GPR21: variants seen among roughly 807,000 people sequenced by gnomAD.
GPR21 encodes G protein-coupled receptor 21.
In GPR21, 9 loss-of-function variants were observed where a neutral mutation model predicts 21.5. The ratio of observed to expected loss-of-function variants is 0.42; its 90% CI spans 0.25 to 0.73. The LOEUF is 0.73. Among genes scored for constraint, GPR21 ranks in the 30% least tolerant of loss-of-function variants. The pLI is 0.27. For missense variants in GPR21, 416 were observed against 428.9 expected (o/e 0.97, Z 0.27); for synonymous variants, 169 against 159.3 (o/e 1.06, Z -0.46).
At chr9:123,049,098 G>A in the GPR21 span, among the ~76,000 whole-genome samples, 2 of 152,310 alleles carry the variant, frequency 1.3e-5, no homozygotes, top group South Asian at 4.1e-4. Flanking sequence ...CATCTTTTCT[G>A]AGGAAGTCAT....
Position 123,034,775 on chromosome 9 carries a change from C to T in GPR21, c.209C>T (p.Thr70Ile). 1 of 1,613,626 alleles carries T rather than the reference C, an allele frequency of 6.2e-7. No homozygotes were observed. The highest frequency in any genetic ancestry group is 1.1e-5 in the South Asian group (1 of 91,054). ...NHHTTSYFIQ[T>I]MAYADLFVGV... ...CACACTACAAGTTATTTTATCCAGA[C>T]TATGGCATATGCTGACCTTTTTGTT... Residue 70 changes from threonine (T) to isoleucine (I), a missense_variant, in exon 2 of 2, where the codon ACT (threonine) becomes ATT (isoleucine). Transcript: ENST00000616002.
At position 123,035,557 on chromosome 9, in the gene GPR21, A is replaced by G; in HGVS notation, c.991A>G (p.Thr331Ala). The change falls in exon 2 of 2, where the codon ACA (threonine) becomes GCA (alanine). Residue 331 changes from threonine (T) to alanine (A), a missense_variant. Coordinates refer to ENST00000616002, the MANE Select transcript of GPR21 (RefSeq NM_005294.3). ...GTGTACTTCTTGTGCAAGTCAGACT[A>G]CAGCCAACGACCCTTACACAGTTAG... ...AMCTSCASQTTANDPYTVRSK... is the reference protein window; with the variant it reads ...AMCTSCASQTAANDPYTVRSK... 1.2e-6 allele frequency: 2 copies of G among 1,613,176 alleles called. No individual in the cohort carries two copies.
chr9:123,036,349 C>T (rs902769279), downstream of GPR21, among the ~76,000 whole-genome samples: 12 of 152,126 alleles, frequency 7.9e-5, no homozygotes, highest in African/African-American at 2.2e-4. Context: ...TAGAAGTAAT[C>T]GTGTAGTACT....
At chr9:123,047,075 TAGG>T in the GPR21 span, among the ~76,000 whole-genome samples, 1 of 152,072 alleles carries the variant, frequency 6.6e-6, no homozygotes, top group Non-Finnish European at 1.5e-5. Context: ...GCTTAGAAAA[TAGG>T]AGTTTTCAGC....
chr9:123,045,866 A>G, the GPR21 span, among the ~76,000 whole-genome samples: 1 of 152,222 alleles, frequency 6.6e-6, no homozygotes, highest in Non-Finnish European at 1.5e-5. Flanking sequence ...AGGTACTATC[A>G]CATCTAAAGT....
chr9:123,035,736 T>G (rs1267923818), downstream of GPR21: 1 of 656,692 alleles, frequency 1.5e-6, no homozygotes, highest in Non-Finnish European at 2.5e-6. Context: ...CAGAATACTT[T>G]GACTCTAAAC....
chr9:123,037,568 AAAC>A (rs1364564590), downstream of GPR21, among the ~76,000 whole-genome samples: 2 of 152,230 alleles, frequency 1.3e-5, no homozygotes, highest in Non-Finnish European at 2.9e-5. Flanking sequence ...CAGATCTAAA[AAAC>A]CAAAATTTAC....
At chr9:123,043,900 CTTTTTTT>C in the GPR21 span, among the ~76,000 whole-genome samples, 1 of 129,430 alleles carries the variant, frequency 7.7e-6, no homozygotes, top group Non-Finnish European at 1.7e-5. Context: ...GTATTATTTT[CTTTTTTT>C]TTTTTTTTTT....
the GPR21 span, among the ~76,000 whole-genome samples, chr9:123,044,097 G>A: frequency 5.9e-5 from 9 of 151,986 alleles, no homozygotes; most frequent in Admixed American, 5.9e-4. Flanking sequence ...TAGAGACGGG[G>A]TTTCACCATG....
At chr9:123,035,639 CGT>C (rs5900552) in exon 2 of GPR21, 1,304 of 733,234 alleles carry the variant, frequency 1.8e-3, 3 homozygotes, top group African/African-American at 0.011. Flanking sequence ...ACGGGGTTCC[CGT>C]GTGTGTGTGT....
At chr9:123,036,203 A>C (rs1056365894), downstream of GPR21, among the ~76,000 whole-genome samples, 2 of 152,260 alleles carry the variant, frequency 1.3e-5, no homozygotes, top group African/African-American at 4.8e-5. Context: ...TAGGGTGAAT[A>C]ATGTGAACAC....
the GPR21 span, among the ~76,000 whole-genome samples, chr9:123,041,150 A>G: frequency 6.6e-6 from 1 of 152,202 alleles, no homozygotes; most frequent in Non-Finnish European, 1.5e-5. Context: ...GGAGAATTTT[A>G]TAAACTTTAT....
Position 123,035,339 on chromosome 9 carries a change from C to G in GPR21, c.773C>G (p.Thr258Ser), listed in dbSNP as rs1241553952. 8.1e-6 allele frequency: 13 copies of G among 1,614,056 alleles called. No homozygotes were observed. Among genetic ancestry groups the G allele is most frequent in the Non-Finnish European group, 1.0e-5 (12 of 1,180,024 alleles). ...KRYAMVLFRI[T>S]SVFYILWLPY... ...TATGCCATGGTCCTGTTTCGAATCA[C>G]TAGTGTATTTTACATCCTCTGGTTG... Residue 258 changes from threonine to serine, a missense_variant, in exon 2 of 2, where the codon ACT becomes AGT. Coordinates refer to ENST00000616002, the MANE Select transcript of GPR21 (RefSeq NM_005294.3).
chr9:123,039,873 A>G (rs543610474), downstream of GPR21, among the ~76,000 whole-genome samples: 27 of 151,152 alleles, frequency 1.8e-4, no homozygotes, highest in African/African-American at 6.2e-4. Context: ...AGCCTTTCCC[A>G]GTTTTCTAGC....
the GPR21 span, among the ~76,000 whole-genome samples, chr9:123,048,001 C>T: frequency 1.3e-4 from 17 of 134,788 alleles, no homozygotes; most frequent in Middle Eastern, 4.8e-3. Flanking sequence ...TGCAATGGCG[C>T]GATCTCGGCC....
At chr9:123,037,856 T>A (rs1297662004), downstream of GPR21, among the ~76,000 whole-genome samples, 1 of 152,154 alleles carries the variant, frequency 6.6e-6, no homozygotes, top group East Asian at 1.9e-4. Context: ...CCTGGCATAT[T>A]TAATGCAACA....
At chr9:123,033,838 C>T (rs1277692138) in intron 1 of GPR21, 96 bp downstream of exon 1, 2 of 152,318 alleles carry the variant, frequency 1.3e-5, no homozygotes, top group Non-Finnish European at 2.9e-5. Flanking sequence ...AGTAAATTAT[C>T]TTGGCTAATT....
chr9:123,037,810 A>G (rs999617021), downstream of GPR21, among the ~76,000 whole-genome samples: 5 of 152,096 alleles, frequency 3.3e-5, no homozygotes, highest in African/African-American at 1.2e-4. Flanking sequence ...TCTGTGTGAT[A>G]TATTTGGAAA....
chr9:123,045,620 TTGAA>T, the GPR21 span, among the ~76,000 whole-genome samples: 2 of 152,212 alleles, frequency 1.3e-5, no homozygotes, highest in African/African-American at 2.4e-5. Context: ...ATCTTCATCT[TTGAA>T]TGAAGATGAC....
Sources: gnomAD v4.1 joint callset for allele counts (sites outside exome capture counted in the v4.1 genomes callset) on GRCh38, gnomAD v4.1.1 for gene constraint, MANE v1.5 for transcripts, NCBI Gene and HGNC (gene_info 2026-07-23, HGNC 2026-07-21) for gene names.